CREM: variants seen among roughly 807,000 people sequenced by gnomAD.
The protein encoded by CREM is cAMP-responsive element modulator.
Under a neutral mutation model 37.3 loss-of-function variants are expected in CREM, and 13 were observed. That is an observed-to-expected ratio of 0.35 (90% confidence interval 0.23 to 0.55). CREM has a LOEUF of 0.55. Among genes scored for constraint, CREM ranks in the 20% least tolerant of loss-of-function variants. The probability of loss-of-function intolerance (pLI) is 0.88; values close to 1 mark genes in which losing one functional copy is unlikely to be tolerated. For missense variants in CREM, 296 were observed against 362.3 expected (o/e 0.82, Z 1.49); for synonymous variants, 124 against 120.2 (o/e 1.03, Z -0.21).
At chr10:35,134,142 G>C (rs1476522773) in intron 1 of CREM, among the ~76,000 whole-genome samples, 1 of 151,386 alleles carries the variant, frequency 6.6e-6, no homozygotes, top group Non-Finnish European at 1.5e-5. Context: ...CGCCTCCTGA[G>C]TTCAAGTGAT....
At chr10:35,173,323 T>G (rs919194270) in intron 3 of CREM, among the ~76,000 whole-genome samples, 1 of 152,196 alleles carries the variant, frequency 6.6e-6, no homozygotes, top group African/African-American at 2.4e-5. Context: ...ATTCCTCCCT[T>G]TTTCTAACAC....
At chr10:35,135,745 AG>A (rs1261199311) in intron 1 of CREM, among the ~76,000 whole-genome samples, 3 of 66,594 alleles carry the variant, frequency 4.5e-5, no homozygotes, top group Non-Finnish European at 7.6e-5. Context: ...AAAAAAAAAG[AG>A]AGACATTAAA....
intron 1 of CREM, among the ~76,000 whole-genome samples, chr10:35,130,418 G>A (rs1450083730): frequency 6.6e-6 from 1 of 152,110 alleles, no homozygotes; most frequent in Non-Finnish European, 1.5e-5. Context: ...ATCCAGTAGA[G>A]AATAAGCAAG....
chr10:35,175,659 G>T, intron 3 of CREM: 2 of 1,613,526 alleles, frequency 1.2e-6, no homozygotes, highest in Non-Finnish European at 1.7e-6. Flanking sequence ...CTTAATAAAT[G>T]TCACATCAGA....
Position 35,212,440 on chromosome 10 carries a change from T to C in CREM, c.*1042T>C, listed in dbSNP as rs1283121842. The C allele has an allele frequency of 6.5e-6, 1 of 152,790 alleles. No individual in the cohort carries two copies. Among genetic ancestry groups the C allele is most frequent in the Non-Finnish European group, 1.5e-5 (1 of 68,046 alleles). The allele number at this position is 152,790 out of a possible 1,614,324, so 9.5% of individuals were successfully genotyped here. On this transcript the variant is annotated 3_prime_UTR_variant, in exon 8 of 8. Coordinates refer to ENST00000685392, the MANE Select transcript of CREM (RefSeq NM_183011.2). ...CATTTACTACAGTTTTTAACTCTAC[T>C]GTGTAATATAAAAGATCTTGCAGAA... is the stretch of plus-strand genomic sequence containing the variant.
intron 2 of CREM, among the ~76,000 whole-genome samples, chr10:35,145,626 C>G (rs2091986419): frequency 6.6e-6 from 1 of 151,810 alleles, no homozygotes; most frequent in South Asian, 2.1e-4. Context: ...TCTAAAAATA[C>G]AAAATAGCTG....
intron 2 of CREM, among the ~76,000 whole-genome samples, chr10:35,147,648 A>G (rs537006629): frequency 2.0e-5 from 3 of 152,334 alleles, no homozygotes; most frequent in African/African-American, 7.2e-5. Context: ...ACACTACCTC[A>G]TAACATAAAG....
intron 3 of CREM, among the ~76,000 whole-genome samples, chr10:35,158,798 G>GTGTTTT (rs2093078412): frequency 3.0e-5 from 3 of 100,838 alleles, no homozygotes; most frequent in African/African-American, 1.1e-4. Flanking sequence ...CAAATATAGT[G>GTGTTTT]TTTTTTTTTT....
intron 1 of CREM, chr10:35,127,396 C>G (rs957484954): frequency 2.0e-5 from 3 of 151,942 alleles, no homozygotes; most frequent in Non-Finnish European, 4.4e-5. Context: ...CGGCCCCTCG[C>G]TCGGCGCCCC....
At chr10:35,179,404 CAT>C (rs2094253747) in intron 5 of CREM, 128 bp downstream of exon 5, 1 of 1,014,970 alleles carries the variant, frequency 9.9e-7, no homozygotes, top group African/African-American at 1.6e-5. Flanking sequence ...TAAACTGTAT[CAT>C]AGAATGAAAG....
At position 35,182,154 on chromosome 10, in the gene CREM, A is replaced by G. The variant is rs115653507; in HGVS notation, c.409+2878A>G. The stretch of plus-strand genomic sequence containing the variant: ...ACTAACAACATTCAAACTTTTTAGA[A>G]GACGTTTACTTTAATTGGAGGGTAA... On this transcript the variant is annotated intron_variant, in intron 5 of 7. Coordinates refer to ENST00000685392, the MANE Select transcript of CREM (RefSeq NM_183011.2). Among the ~76,000 whole-genome samples the G allele has an allele frequency of 7.7e-3, 1,167 of 152,362 alleles. 18 individuals are homozygous for G. The highest frequency in any genetic ancestry group is 0.026 in the African/African-American group (1,094 of 41,588).
At chr10:35,132,712 C>G (rs1350964558) in intron 1 of CREM, among the ~76,000 whole-genome samples, 1 of 152,146 alleles carries the variant, frequency 6.6e-6, no homozygotes, top group Admixed American at 6.5e-5. Flanking sequence ...CTGCTTTCTC[C>G]CATTGTTTTT....
intron 3 of CREM, among the ~76,000 whole-genome samples, chr10:35,164,550 C>T (rs767490491): frequency 6.6e-5 from 10 of 152,208 alleles, no homozygotes; most frequent in Non-Finnish European, 1.3e-4. Context: ...TAAAACATTG[C>T]TGGCCACTTT....
intron 6 of CREM, among the ~76,000 whole-genome samples, chr10:35,193,101 T>G (rs2094988931): frequency 6.6e-6 from 1 of 152,246 alleles, no homozygotes. Flanking sequence ...GAGTTCCTAC[T>G]GTACTTCCTT....
Position 35,176,521 on chromosome 10 carries a change from C to T in CREM, c.169-2368C>T, listed in dbSNP as rs947677284. On this transcript the variant is annotated intron_variant, in intron 3 of 7. Coordinates refer to ENST00000685392, the MANE Select transcript of CREM (RefSeq NM_183011.2). ...CTCCCGGGTTCACGCCATTCTCCTG[C>T]CTCAGCCTCCCGAGTAGCTGGGACT... Among the ~76,000 whole-genome samples the T allele has an allele frequency of 3.3e-5, 5 of 151,580 alleles. No homozygotes were observed. The East Asian group carries it at 9.7e-4, about 29-fold the overall frequency.
chr10:35,165,071 A>AT (rs1270625692), intron 3 of CREM, among the ~76,000 whole-genome samples: 40 of 147,014 alleles, frequency 2.7e-4, no homozygotes, highest in African/African-American at 4.8e-4. Flanking sequence ...AAAAAAAAAA[A>AT]AAAAAAAGAA....
At chr10:35,205,938 C>T (rs565107998) in intron 6 of CREM, among the ~76,000 whole-genome samples, 1 of 146,824 alleles carries the variant, frequency 6.8e-6, no homozygotes, top group African/African-American at 2.5e-5. Context: ...AGCCTGGAGC[C>T]ACTTAGTGAG....
intron 3 of CREM, chr10:35,167,740 G>A: frequency 1.9e-6 from 3 of 1,614,064 alleles, no homozygotes; most frequent in Non-Finnish European, 2.5e-6. Context: ...GGTGGCATCA[G>A]CATAATCTAT....
Position 35,207,038 on chromosome 10 carries a change from C to T in CREM, c.742C>T (p.Leu248=). 1 of 1,612,246 alleles carries T rather than the reference C, an allele frequency of 6.2e-7. No homozygotes were observed. The highest frequency in any genetic ancestry group is 2.2e-5 in the East Asian group (1 of 44,856). Residue 248 remains leucine, a synonymous_variant, in exon 7 of 8, where the codon CTA becomes TTA. Coordinates refer to ENST00000685392, the MANE Select transcript of CREM (RefSeq NM_183011.2). ...AGCAACACGCAAACGAGAGCTGAGG[C>T]TAATGAAAAACAGGTGAGGTGTTGC... is the stretch of plus-strand genomic sequence containing the variant. The part of the protein sequence containing the change: ...EEATRKRELR[L]MKNREAAREC...
Sources: allele counts gnomAD v4.1 joint callset (sites outside exome capture counted in the v4.1 genomes callset), GRCh38; gene constraint gnomAD v4.1.1; transcripts MANE v1.5; gene names NCBI Gene and HGNC (gene_info 2026-07-23, HGNC 2026-07-21).